Variants in EYS observed in about 807,000 individuals in gnomAD.
EYS encodes the protein protein eyes shut homolog.
EYS carries 250 observed loss-of-function variants against 282.1 expected under a neutral mutation model. The ratio of observed to expected loss-of-function variants is 0.89; its 90% CI spans 0.80 to 0.98. The LOEUF (loss-of-function observed/expected upper bound fraction) is 0.98. Among genes scored for constraint, EYS ranks in the 50% least tolerant of loss-of-function variants. The pLI is 0.00. For missense variants in EYS, 4,016 were observed against 3,709.0 expected (o/e 1.08, Z -2.15); for synonymous variants, 1,355 against 1,282.9 (o/e 1.06, Z -1.20).
chr6:63,756,643 G>A (rs72886350), intron 41 of EYS, among the ~76,000 whole-genome samples: 14,253 of 152,090 alleles, frequency 0.094, 703 homozygotes, highest in East Asian at 0.16. Flanking sequence ...CCCTCATAAA[G>A]TGAGTTAGGG....
chr6:65,510,448 C>G (rs1378795167), intron 2 of EYS, among the ~76,000 whole-genome samples: 1 of 151,990 alleles, frequency 6.6e-6, no homozygotes, highest in Non-Finnish European at 1.5e-5. Context: ...TCCAATAGGT[C>G]TCTCAGCAAG....
intron 30 of EYS, among the ~76,000 whole-genome samples, chr6:64,296,596 ATATTTTTTT>A (rs1769033019): frequency 4.9e-4 from 3 of 6,154 alleles, no homozygotes; most frequent in African/African-American, 1.1e-3. Context: ...ATATATATAT[ATATTTTTTT>A]TTTTTTTTTT....
intron 7 of EYS, among the ~76,000 whole-genome samples, chr6:65,400,021 T>C (rs1766432740): frequency 6.6e-6 from 1 of 152,166 alleles, no homozygotes; most frequent in Non-Finnish European, 1.5e-5. Context: ...TAATCTTAAG[T>C]GCAGACTTTC....
intron 35 of EYS, among the ~76,000 whole-genome samples, chr6:63,869,039 G>A (rs1772735953): frequency 6.6e-6 from 1 of 152,106 alleles, no homozygotes; most frequent in African/African-American, 2.4e-5. Context: ...ATTACTTTGT[G>A]GTGGCCTAGA....
intron 37 of EYS, among the ~76,000 whole-genome samples, chr6:63,791,410 T>G (rs1770507574): frequency 6.6e-6 from 1 of 151,856 alleles, no homozygotes; most frequent in East Asian, 1.9e-4. Flanking sequence ...CCATCTCTAC[T>G]AAAAATACAA....
chr6:65,436,359 G>A (rs1582288816), intron 5 of EYS, among the ~76,000 whole-genome samples: 1 of 152,000 alleles, frequency 6.6e-6, no homozygotes, highest in South Asian at 2.1e-4. Context: ...CATTACAAAT[G>A]TTTTATTTGA....
intron 36 of EYS, among the ~76,000 whole-genome samples, chr6:63,853,366 G>T (rs929839739): frequency 6.6e-6 from 1 of 152,128 alleles, no homozygotes; most frequent in Admixed American, 6.5e-5. Context: ...CAAATCATGA[G>T]TGAATTGCCA....
intron 24 of EYS, among the ~76,000 whole-genome samples, chr6:64,596,858 T>A (rs1359023374): frequency 6.6e-6 from 1 of 152,002 alleles, no homozygotes; most frequent in Non-Finnish European, 1.5e-5. Flanking sequence ...AATAGACAAA[T>A]GGAATTGAGT....
intron 12 of EYS, among the ~76,000 whole-genome samples, chr6:65,188,106 G>T (rs1246843006): frequency 1.3e-5 from 2 of 151,408 alleles, no homozygotes; most frequent in African/African-American, 4.8e-5. Flanking sequence ...ATAGTGAAAG[G>T]TTAATAAAGT....
At chr6:64,933,413 G>A (rs1024543198) in intron 15 of EYS, among the ~76,000 whole-genome samples, 22 of 152,190 alleles carry the variant, frequency 1.4e-4, no homozygotes, top group African/African-American at 5.3e-4. Context: ...TTAGAGAAAT[G>A]CAAATCAAAA....
chr6:64,214,021 A>C (rs776955800), intron 31 of EYS, among the ~76,000 whole-genome samples: 1 of 152,170 alleles, frequency 6.6e-6, no homozygotes, highest in Non-Finnish European at 1.5e-5. Flanking sequence ...ATAGTCATAC[A>C]TAATGCCTTT....
Position 65,204,841 on chromosome 6 carries a change from T to C in EYS, c.2023+91022A>G, listed in dbSNP as rs841536. On this transcript the variant is annotated intron_variant, in intron 12 of 42. Transcript: ENST00000503581. ...TTTATATATTCTGGAAGAACGTATT[T>C]ATATATTCTGGAAGAACGTATTTAT... Among the ~76,000 whole-genome samples the C allele has an allele frequency of 1.0e-3, 153 of 149,416 alleles. 1 individual carries two copies. The highest frequency in any genetic ancestry group is 3.6e-3 in the African/African-American group (146 of 40,424).
intron 40 of EYS, among the ~76,000 whole-genome samples, chr6:63,767,792 G>T (rs142308358): frequency 6.6e-6 from 1 of 151,958 alleles, no homozygotes; most frequent in Non-Finnish European, 1.5e-5. Flanking sequence ...AAAGAACAAG[G>T]CCGGAGACAT....
chr6:64,009,735 C>G (rs1026090258), intron 33 of EYS, among the ~76,000 whole-genome samples: 1 of 152,004 alleles, frequency 6.6e-6, no homozygotes, highest in African/African-American at 2.4e-5. Context: ...GTCATTTCAG[C>G]CATTTAGGCC....
At chr6:64,757,570 T>A (rs941299671) in intron 22 of EYS, among the ~76,000 whole-genome samples, 1 of 152,138 alleles carries the variant, frequency 6.6e-6, no homozygotes, top group Non-Finnish European at 1.5e-5. Flanking sequence ...TTAAAATGTA[T>A]GCATCTGCTT....
intron 14 of EYS, among the ~76,000 whole-genome samples, chr6:64,990,260 C>A (rs1771020490): frequency 6.6e-6 from 1 of 151,284 alleles, no homozygotes; most frequent in Admixed American, 6.6e-5. Flanking sequence ...ACAGTGTACA[C>A]AACACAGCGG....
intron 11 of EYS, among the ~76,000 whole-genome samples, chr6:65,317,878 C>CTTTCTTTCTTTCT (rs1431205056): frequency 4.2e-5 from 3 of 71,912 alleles, no homozygotes; most frequent in Admixed American, 1.3e-4. Flanking sequence ...TTCTTTCTTT[C>CTTTCTTTCTTTCT]TTTCTTTCAG....
intron 5 of EYS, among the ~76,000 whole-genome samples, chr6:65,477,587 T>C (rs1451122278): frequency 6.6e-6 from 1 of 152,132 alleles, no homozygotes; most frequent in Non-Finnish European, 1.5e-5. Flanking sequence ...AATTCAACAT[T>C]CTACAAGGGA....
chr6:64,085,623 C>T (rs917158378), intron 31 of EYS, among the ~76,000 whole-genome samples: 2 of 152,034 alleles, frequency 1.3e-5, no homozygotes, highest in Non-Finnish European at 2.9e-5. Flanking sequence ...TTAGGTATGG[C>T]ACCTCATTTG....
Sources: gnomAD v4.1 joint callset for allele counts (sites outside exome capture counted in the v4.1 genomes callset) on GRCh38, gnomAD v4.1.1 for gene constraint, MANE v1.5 for transcripts, NCBI Gene and HGNC (gene_info 2026-07-23, HGNC 2026-07-21) for gene names.